The following NIPBL variants were observed in gnomAD, a reference collection of about 807,000 sequenced individuals.
NIPBL encodes the protein nipped-B-like protein.
NIPBL carries 19 observed loss-of-function variants against 321.8 expected under a neutral mutation model. That is an observed-to-expected ratio of 0.06 (90% CI 0.04 to 0.09). The LOEUF (loss-of-function observed/expected upper bound fraction) is 0.09, where lower values mean the gene tolerates loss of function less well. NIPBL is among the 10% of genes least tolerant of loss of function. The probability of loss-of-function intolerance (pLI) is 1.00; values close to 1 mark genes in which losing one functional copy is unlikely to be tolerated. For synonymous variants in NIPBL, 1,106 were observed against 1,114.1 expected, an observed-to-expected ratio of 0.99 and a Z score of 0.14; for missense variants, 2,210 against 3,327.0, an observed-to-expected ratio of 0.66 and a Z score of 8.26.
chr5:36,961,698 A>G, intron 5 of NIPBL, 115 bp downstream of exon 5: 2 of 782,556 alleles, frequency 2.6e-6, no homozygotes, highest in South Asian at 2.9e-5. Context: ...AATAGTTGAA[A>G]TACTTAAATA....
At chr5:37,052,024 G>A (rs1471829889) in intron 41 of NIPBL, 138 bp downstream of exon 41, 1 of 736,110 alleles carries the variant, frequency 1.4e-6, no homozygotes, top group African/African-American at 1.8e-5. Flanking sequence ...ATGCAACTAA[G>A]TTAGTCTTCC....
intron 42 of NIPBL, among the ~76,000 whole-genome samples, chr5:37,053,935 C>T (rs113616929): frequency 0.015 from 2,343 of 152,228 alleles, 28 homozygotes; most frequent in Non-Finnish European, 0.02. Context: ...TGGTGACTCA[C>T]GCCTGTAATC....
At chr5:36,960,333 C>T (rs752641021) in intron 4 of NIPBL, among the ~76,000 whole-genome samples, 14 of 151,062 alleles carry the variant, frequency 9.3e-5, no homozygotes, top group Non-Finnish European at 2.1e-4. Context: ...TTTTTAACTC[C>T]TGTCTCATTG....
At chr5:37,045,984 G>T in intron 37 of NIPBL, 125 bp from the exon 38 acceptor site, 1 of 638,048 alleles carries the variant, frequency 1.6e-6, no homozygotes, top group Non-Finnish European at 2.8e-6. Flanking sequence ...AATGGAATTG[G>T]TTACTTATTT....
intron 30 of NIPBL, 61 bp downstream of exon 30, chr5:37,024,780 T>C: frequency 7.7e-7 from 1 of 1,294,010 alleles, no homozygotes; most frequent in Non-Finnish European, 1.1e-6. Flanking sequence ...AAATGTTTAT[T>C]GCACCTAAAT....
At chr5:36,947,220 A>G (rs1343233993) in intron 1 of NIPBL, among the ~76,000 whole-genome samples, 2 of 152,068 alleles carry the variant, frequency 1.3e-5, no homozygotes, top group African/African-American at 2.4e-5. Flanking sequence ...AGTGGCTTCC[A>G]TAACTATAGC....
intron 3 of NIPBL, among the ~76,000 whole-genome samples, chr5:36,957,784 A>G (rs985946638): frequency 6.6e-6 from 1 of 152,042 alleles, no homozygotes; most frequent in Non-Finnish European, 1.5e-5. Context: ...GGAGTTAGAG[A>G]CCAGCCTGGC....
chr5:37,002,216 T>G (rs1245373331), intron 14 of NIPBL, among the ~76,000 whole-genome samples: 4 of 152,152 alleles, frequency 2.6e-5, no homozygotes, highest in Non-Finnish European at 5.9e-5. Flanking sequence ...GCAATACCTT[T>G]TGGTCAGGGG....
intron 21 of NIPBL, among the ~76,000 whole-genome samples, chr5:37,012,456 ATTTTTTTTTTTTT>A (rs763144789): frequency 1.9e-5 from 2 of 107,208 alleles, no homozygotes; most frequent in Non-Finnish European, 3.7e-5. Context: ...TCTTTCTCCA[ATTTTTTTTTTTTT>A]TTTTTTTTTT....
intron 1 of NIPBL, among the ~76,000 whole-genome samples, chr5:36,899,858 C>T (rs910296341): frequency 7.2e-5 from 11 of 152,256 alleles, no homozygotes; most frequent in African/African-American, 2.4e-4. Context: ...TTATGACAGA[C>T]TAGGGGTACT....
intron 1 of NIPBL, among the ~76,000 whole-genome samples, chr5:36,914,359 T>G (rs2149549562): frequency 6.6e-6 from 1 of 152,266 alleles, no homozygotes; most frequent in South Asian, 2.1e-4. Context: ...CCTATTAAAT[T>G]GTACTAAAAA....
intron 27 of NIPBL, among the ~76,000 whole-genome samples, chr5:37,021,462 T>G (rs1302813239): frequency 6.6e-6 from 1 of 151,972 alleles, no homozygotes; most frequent in Non-Finnish European, 1.5e-5. Context: ...GCGGGCAGAT[T>G]ACGAGGTCAG....
chr5:37,030,379 A>G (rs1446715888), intron 32 of NIPBL, among the ~76,000 whole-genome samples: 1 of 150,620 alleles, frequency 6.6e-6, no homozygotes, highest in Admixed American at 6.6e-5. Context: ...AAGCAAACTC[A>G]TATATATATA....
rs973772396 is a variant in NIPBL, at chr5:37,006,313, A to G, written c.3856-44A>G. 3.8e-6 allele frequency: 4 copies of G among 1,048,470 alleles called. No individual in the cohort carries two copies. The African/African-American group carries it at 4.7e-5, about 12-fold the overall frequency. The allele number at this position is 1,048,470 out of a possible 1,614,324, so 64.9% of individuals were successfully genotyped here. Reference sequence around the variant, plus strand: ...TAATTTTAATGTATATTTTAAACCTATAAATGTGTTTATTTCCATTTCATT... The same window carrying G: ...TAATTTTAATGTATATTTTAAACCTGTAAATGTGTTTATTTCCATTTCATT... On this transcript the variant is annotated intron_variant, in intron 16 of 46. Transcript: ENST00000282516.
At chr5:36,955,164 T>C (rs1740801523) in intron 2 of NIPBL, among the ~76,000 whole-genome samples, 1 of 152,224 alleles carries the variant, frequency 6.6e-6, no homozygotes, top group Admixed American at 6.5e-5. Flanking sequence ...ATTGCTACAT[T>C]GGAAGTTAGT....
chr5:36,919,751 A>G (rs1401214660), intron 1 of NIPBL, among the ~76,000 whole-genome samples: 1 of 152,212 alleles, frequency 6.6e-6, no homozygotes, highest in Non-Finnish European at 1.5e-5. Context: ...ATCCATATGC[A>G]TAATGAAAAA....
chr5:36,926,123 C>A (rs1303709195), intron 1 of NIPBL, among the ~76,000 whole-genome samples: 1 of 152,166 alleles, frequency 6.6e-6, no homozygotes, highest in Non-Finnish European at 1.5e-5. Flanking sequence ...GAATTCTTTA[C>A]CACTTTTGAA....
intron 26 of NIPBL, 40 bp downstream of exon 26, chr5:37,020,713 G>C (rs1048213147): frequency 6.3e-7 from 1 of 1,599,026 alleles, no homozygotes; most frequent in Non-Finnish European, 8.6e-7. Flanking sequence ...TTATCTCCTT[G>C]ATATCTATTT....
intron 1 of NIPBL, among the ~76,000 whole-genome samples, chr5:36,914,523 A>G (rs995315978): frequency 6.6e-6 from 1 of 152,236 alleles, no homozygotes; most frequent in Non-Finnish European, 1.5e-5. Context: ...GCGCAAAAGT[A>G]TTAGAGATAT....
Sources: gnomAD v4.1 joint callset for allele counts (sites outside exome capture counted in the v4.1 genomes callset) on GRCh38, gnomAD v4.1.1 for gene constraint, MANE v1.5 for transcripts, NCBI Gene and HGNC (gene_info 2026-07-23, HGNC 2026-07-21) for gene names.